Variants in CHAF1B observed in about 807,000 individuals in gnomAD.
CHAF1B encodes the protein CAF-1 subunit B.
A neutral mutation model predicts 60.7 loss-of-function variants in CHAF1B; 10 were observed. The observed-to-expected ratio is 0.16, with a 90% CI of 0.10 to 0.28. The LOEUF (loss-of-function observed/expected upper bound fraction) is 0.28. Ranked by LOEUF, CHAF1B falls within the 10% of genes least tolerant of loss-of-function variation. The pLI is 1.00. For missense variants in CHAF1B, 558 were observed against 708.4 expected (o/e 0.79, Z 2.41); for synonymous variants, 261 against 266.1 (o/e 0.98, Z 0.19).
At chr21:36,388,274 C>G (rs990882428) in intron 3 of CHAF1B, among the ~76,000 whole-genome samples, 1 of 152,220 alleles carries the variant, frequency 6.6e-6, no homozygotes, top group South Asian at 2.1e-4. Context: ...GCTGCTTTCC[C>G]GCAAGCTCCC....
intron 3 of CHAF1B, among the ~76,000 whole-genome samples, chr21:36,388,641 A>G (rs2086056559): frequency 6.6e-6 from 1 of 151,830 alleles, no homozygotes; most frequent in South Asian, 2.1e-4. Context: ...TAATTTTTGT[A>G]TTTTTAGTAG....
rs151197916 is a variant in CHAF1B at position 36,399,185 on chromosome 21, C to T, written c.579-336C>T. Among the ~76,000 whole-genome samples, 1,261 of 152,150 alleles carry T rather than the reference C, an allele frequency of 8.3e-3. 20 individuals carry two copies. Among genetic ancestry groups the T allele is most frequent in the African/African-American group, 0.029 (1,207 of 41,506 alleles). On this transcript the variant is annotated intron_variant, in intron 6 of 13. Coordinates refer to ENST00000314103, the MANE Select transcript of CHAF1B (RefSeq NM_005441.3). ...GAGTAGCAGGGATTACAGGCGCCCA[C>T]CACCACGCCCGGCTAATTTTTTGTA...
Position 36,416,499 on chromosome 21 carries a change from A to T in CHAF1B, c.*133A>T, listed in dbSNP as rs1219037908. 5 of 592,102 alleles carry T rather than the reference A, an allele frequency of 8.4e-6. No individual in the cohort carries two copies. Among genetic ancestry groups the T allele is most frequent in the African/African-American group, 1.8e-5 (1 of 54,308 alleles). The allele number at this position is 592,102 out of a possible 1,614,324, so 36.7% of individuals were successfully genotyped here. On this transcript the variant is annotated 3_prime_UTR_variant, in exon 14 of 14. Coordinates refer to ENST00000314103, the MANE Select transcript of CHAF1B (RefSeq NM_005441.3). ...TAAATGGATTTCTATAACAGAAGTG[A>T]CATGTGTACTGATTTTTCTCCAGAA...
intron 3 of CHAF1B, among the ~76,000 whole-genome samples, chr21:36,391,256 A>C (rs1027050705): frequency 3.9e-5 from 6 of 152,072 alleles, no homozygotes; most frequent in Admixed American, 2.0e-4. Flanking sequence ...TCCCTGTTGA[A>C]ATGCTTGGAA....
chr21:36,391,790 G>A (rs1202552640), intron 4 of CHAF1B, 122 bp downstream of exon 4: 2 of 604,618 alleles, frequency 3.3e-6, no homozygotes, highest in Admixed American at 2.6e-5. Context: ...CCAGGCTGGA[G>A]TGCTGTACTG....
At chr21:36,403,530 CAT>C (rs1386479284) in intron 8 of CHAF1B, among the ~76,000 whole-genome samples, 3 of 142,762 alleles carry the variant, frequency 2.1e-5, no homozygotes, top group Admixed American at 7.1e-5. Context: ...CATTCATTAA[CAT>C]GTGTATGGAA....
chr21:36,411,798 G>A (rs1037438542), intron 11 of CHAF1B, among the ~76,000 whole-genome samples, 194 bp downstream of exon 11: 1 of 151,920 alleles, frequency 6.6e-6, no homozygotes, highest in Non-Finnish European at 1.5e-5. Flanking sequence ...GTGTGATCTC[G>A]TTTCACTGCA....
chr21:36,408,839 T>C lies in CHAF1B; in HGVS notation c.827+9T>C, dbSNP rs2086256236. On this transcript the variant is annotated intron_variant, in intron 9 of 13. Coordinates refer to ENST00000314103, the MANE Select transcript of CHAF1B (RefSeq NM_005441.3). ...AGGAAGAATCTTAAAAGGTATGCAG[T>C]CAAGGAAATGTTTGAAATGTTTACA... The C allele has an allele frequency of 6.3e-6, 10 of 1,577,094 alleles. No individual in the cohort carries two copies. The highest frequency in any genetic ancestry group is 8.7e-6 in the Non-Finnish European group (10 of 1,146,848).
chr21:36,392,584 G>A (rs958817840), intron 4 of CHAF1B, among the ~76,000 whole-genome samples: 47 of 151,388 alleles, frequency 3.1e-4, no homozygotes, highest in African/African-American at 1.0e-3. Context: ...GGCAGCTGCC[G>A]GGCAGAGATG....
At chr21:36,399,712 G>C in intron 7 of CHAF1B, 107 bp downstream of exon 7, 1 of 861,456 alleles carries the variant, frequency 1.2e-6, no homozygotes. Flanking sequence ...ACAAAGAGCC[G>C]ATTCCAGAAC....
chr21:36,413,395 G>A lies in CHAF1B; in HGVS notation c.1493+80G>A, dbSNP rs1256701046. On this transcript the variant is annotated intron_variant, in intron 12 of 13. Transcript: ENST00000314103. ...AGAACGCTCCCACCCTGCTGCAGGT[G>A]AAATTTCAGGCGGTGAATGCTTCAT... 5.9e-6 allele frequency: 8 copies of A among 1,354,748 alleles called. No individual in the cohort carries two copies. In the East Asian group the frequency reaches 1.6e-4, roughly 28 times the overall value. The allele number at this position is 1,354,748 out of a possible 1,614,324, so 83.9% of individuals were successfully genotyped here. A position where few individuals can be genotyped will look rare whatever the true frequency, so the allele number is the denominator to read the frequency against.
chr21:36,399,444 T>G lies in CHAF1B; in HGVS notation c.579-77T>G, dbSNP rs2086168804. On this transcript the variant is annotated intron_variant, in intron 6 of 13. Coordinates refer to ENST00000314103, the MANE Select transcript of CHAF1B (RefSeq NM_005441.3). ...GAAAACTGTTGCGGTGGTAATAGGC[T>G]GTTGGTAATAAGTTGTTTCTGTGTG... 7 of 1,234,910 alleles carry G rather than the reference T, an allele frequency of 5.7e-6. No homozygotes were observed. In the Middle Eastern group the frequency reaches 5.7e-4, roughly 100 times the overall value. 76.5% of individuals were successfully genotyped at this position (1,234,910 alleles called of 1,614,324 possible).
intron 4 of CHAF1B, among the ~76,000 whole-genome samples, chr21:36,393,642 C>T (rs1227537740): frequency 1.3e-5 from 2 of 151,574 alleles, no homozygotes; most frequent in Non-Finnish European, 2.9e-5. Flanking sequence ...TTAGTAGAGA[C>T]GGGGTTTCTC....
intron 11 of CHAF1B, among the ~76,000 whole-genome samples, chr21:36,412,174 A>T (rs934833228): frequency 6.6e-6 from 1 of 152,118 alleles, no homozygotes; most frequent in African/African-American, 2.4e-5. Context: ...AACTGAGGGG[A>T]GGCCTTGTAG....
chr21:36,411,413 C>T (rs772176190), intron 10 of CHAF1B, 50 bp from the exon 11 acceptor site: 4 of 1,608,000 alleles, frequency 2.5e-6, no homozygotes, highest in Non-Finnish European at 3.4e-6. Context: ...TGCACCTGGT[C>T]AGAAGCCTTG....
At chr21:36,407,742 C>T (rs1305842933) in intron 8 of CHAF1B, among the ~76,000 whole-genome samples, 2 of 152,024 alleles carry the variant, frequency 1.3e-5, no homozygotes, top group Non-Finnish European at 2.9e-5. Flanking sequence ...CTTTGGGAGG[C>T]GGAGGAGGGC....
chr21:36,387,565 A>G (rs768865946), intron 2 of CHAF1B, 33 bp from the exon 3 acceptor site: 12 of 1,612,752 alleles, frequency 7.4e-6, no homozygotes, highest in African/African-American at 2.7e-5. Flanking sequence ...TGCCCATTCT[A>G]TGTTTTTCAA....
intron 8 of CHAF1B, among the ~76,000 whole-genome samples, chr21:36,404,498 G>A (rs1268817766): frequency 1.4e-5 from 2 of 142,360 alleles, no homozygotes; most frequent in African/African-American, 5.3e-5. Context: ...GCAATGGCAC[G>A]ATCTCGGCTC....
chr21:36,406,737 A>G (rs2086240891), intron 8 of CHAF1B, among the ~76,000 whole-genome samples: 1 of 152,192 alleles, frequency 6.6e-6, no homozygotes, highest in African/African-American at 2.4e-5. Context: ...AACGCTTTAT[A>G]TCTCTTAGCA....
Sources: gnomAD v4.1 joint callset for allele counts (sites outside exome capture counted in the v4.1 genomes callset) on GRCh38, gnomAD v4.1.1 for gene constraint, MANE v1.5 for transcripts, NCBI Gene and HGNC (gene_info 2026-07-23, HGNC 2026-07-21) for gene names.